The following LRRTM4 variants were observed in gnomAD, a reference collection of about 807,000 sequenced individuals.
The protein encoded by LRRTM4 is leucine-rich repeat transmembrane neuronal protein 4.
A neutral mutation model predicts 47.6 loss-of-function variants in LRRTM4; 25 were observed. The observed-to-expected ratio is 0.53, with a 90% confidence interval of 0.38 to 0.73. The LOEUF is 0.73. LRRTM4 is among the 30% of genes least tolerant of loss of function. The probability of loss-of-function intolerance (pLI) is 0.00; values close to 1 mark genes in which losing one functional copy is unlikely to be tolerated. For missense variants in LRRTM4, 638 were observed against 713.4 expected (o/e 0.89, Z 1.20); for synonymous variants, 311 against 269.5 (o/e 1.15, Z -1.51).
intron 3 of LRRTM4, among the ~76,000 whole-genome samples, chr2:76,779,342 T>C (rs1351850020): frequency 6.6e-6 from 1 of 150,944 alleles, no homozygotes. Flanking sequence ...CATTGATCTG[T>C]CTAATGTTGA....
chr2:77,156,256 A>C (rs1672556696), intron 3 of LRRTM4, among the ~76,000 whole-genome samples: 1 of 151,820 alleles, frequency 6.6e-6, no homozygotes, highest in African/African-American at 2.4e-5. Context: ...TAACAGAATA[A>C]AAGCTATAAG....
At chr2:76,775,704 G>C (rs1274717508) in intron 3 of LRRTM4, among the ~76,000 whole-genome samples, 1 of 151,994 alleles carries the variant, frequency 6.6e-6, no homozygotes, top group Non-Finnish European at 1.5e-5. Context: ...AGTGGAGTTA[G>C]CCTATCCCTT....
At chr2:77,246,891 CT>C (rs1156458071) in intron 3 of LRRTM4, among the ~76,000 whole-genome samples, 1 of 151,778 alleles carries the variant, frequency 6.6e-6, no homozygotes, top group Non-Finnish European at 1.5e-5. Context: ...ATTGTTTTAT[CT>C]TTTTTATCAA....
At chr2:76,786,382 TC>T (rs750830287) in intron 3 of LRRTM4, among the ~76,000 whole-genome samples, 2 of 152,078 alleles carry the variant, frequency 1.3e-5, no homozygotes, top group Non-Finnish European at 2.9e-5. Context: ...GGCAAATTGG[TC>T]CCCCAAGACT....
chr2:76,969,676 T>A (rs908209770), intron 3 of LRRTM4, among the ~76,000 whole-genome samples: 6 of 151,942 alleles, frequency 3.9e-5, no homozygotes, highest in Non-Finnish European at 8.8e-5. Context: ...GTAATTACAA[T>A]GATGGTGATT....
At chr2:77,055,631 G>T (rs1388878962) in intron 3 of LRRTM4, among the ~76,000 whole-genome samples, 5 of 152,124 alleles carry the variant, frequency 3.3e-5, no homozygotes. Context: ...AGTCAGTGTG[G>T]CGATTCCTCA....
intron 3 of LRRTM4, among the ~76,000 whole-genome samples, chr2:77,010,501 TACACACACACAC>T (rs34456976): frequency 0.02 from 2,748 of 139,906 alleles, 50 homozygotes; most frequent in African/African-American, 0.042. Context: ...TTGTATTGTT[TACACACACACAC>T]ACACACACAC....
At chr2:76,775,135 T>G (rs546302249) in intron 3 of LRRTM4, among the ~76,000 whole-genome samples, 4 of 152,210 alleles carry the variant, frequency 2.6e-5, no homozygotes, top group Non-Finnish European at 4.4e-5. Flanking sequence ...ATAAATCTTA[T>G]GAATTCATTC....
intron 3 of LRRTM4, among the ~76,000 whole-genome samples, chr2:77,375,297 C>G (rs1410519156): frequency 6.6e-6 from 1 of 151,714 alleles, no homozygotes; most frequent in Admixed American, 6.6e-5. Flanking sequence ...TACAAAAGAA[C>G]TATACATGTT....
chr2:77,117,830 T>A (rs1289381469), intron 3 of LRRTM4, among the ~76,000 whole-genome samples: 1 of 151,934 alleles, frequency 6.6e-6, no homozygotes. Flanking sequence ...CTGCTCTAGG[T>A]GCTGGAGCTT....
At chr2:77,161,573 A>G (rs560391215) in intron 3 of LRRTM4, among the ~76,000 whole-genome samples, 5 of 152,178 alleles carry the variant, frequency 3.3e-5, no homozygotes, top group Admixed American at 3.3e-4. Flanking sequence ...TTAATAATAA[A>G]TGTTCTAGGC....
chr2:77,219,314 AAG>A (rs1674551296), intron 3 of LRRTM4, among the ~76,000 whole-genome samples: 1 of 152,172 alleles, frequency 6.6e-6, no homozygotes, highest in African/African-American at 2.4e-5. Context: ...TTGCCTATAT[AAG>A]GGGTTTGTAC....
intron 3 of LRRTM4, among the ~76,000 whole-genome samples, chr2:77,108,414 T>C (rs975053084): frequency 6.6e-6 from 1 of 151,980 alleles, no homozygotes; most frequent in African/African-American, 2.4e-5. Context: ...AAAATATCAA[T>C]AATATGGACA....
In LRRTM4 at chr2:77,483,118, C is replaced by CAAAAAAAAAAAAAA. The variant is rs776265725; in HGVS notation, c.1551+35186_1551+35199dup. ...CCTAGGAGGCAGAGCAAGACTGTCT[C>CAAAAAAAAAAAAAA]AAAAAAAAAAAAAAAAAAAAAAAAA... On this transcript the variant is annotated intron_variant, in intron 3 of 3. Coordinates refer to ENST00000409884, the MANE Select transcript of LRRTM4 (RefSeq NM_001134745.3). Among the ~76,000 whole-genome samples, 19 of 60,594 alleles carry CAAAAAAAAAAAAAA rather than the reference C, an allele frequency of 3.1e-4. 1 individual carries two copies. The highest frequency in any genetic ancestry group is 2.8e-3 in the East Asian group (3 of 1,086). The allele number at this position is 60,594 out of a possible 152,430, so 39.8% of individuals were successfully genotyped here. A position where few individuals can be genotyped will look rare whatever the true frequency, so the allele number is the denominator to read the frequency against.
rs571441081 is a variant in LRRTM4, at chr2:77,023,032, C to T, written c.1552-274116G>A. On this transcript the variant is annotated intron_variant, in intron 3 of 3. Transcript: ENST00000409884. Reference sequence around the variant, plus strand: ...CTGCAGCAAACTTCTGCCTGGACATCCAGGCATTTCCATACATCTTCTGAA... The same window carrying T: ...CTGCAGCAAACTTCTGCCTGGACATTCAGGCATTTCCATACATCTTCTGAA... Among the ~76,000 whole-genome samples the T allele has an allele frequency of 5.2e-5, 8 of 152,384 alleles. No homozygotes were observed. The South Asian group carries it at 1.2e-3, about 24-fold the overall frequency.
chr2:77,514,485 T>G (rs2104112311), intron 3 of LRRTM4, among the ~76,000 whole-genome samples: 1 of 152,148 alleles, frequency 6.6e-6, no homozygotes, highest in Non-Finnish European at 1.5e-5. Flanking sequence ...TAACCTGAAC[T>G]GAAAACCAGT....
intron 3 of LRRTM4, among the ~76,000 whole-genome samples, chr2:76,826,555 A>G (rs937171471): frequency 2.0e-4 from 30 of 151,742 alleles, no homozygotes; most frequent in Non-Finnish European, 3.2e-4. Flanking sequence ...ATATATGCAA[A>G]GAGTGGATTT....
At chr2:76,765,509 G>C (rs537538987) in intron 3 of LRRTM4, among the ~76,000 whole-genome samples, 1 of 152,256 alleles carries the variant, frequency 6.6e-6, no homozygotes, top group African/African-American at 2.4e-5. Context: ...AAGGCTAAAT[G>C]AGGTCATAAA....
At chr2:77,420,978 T>C (rs113093533) in intron 3 of LRRTM4, among the ~76,000 whole-genome samples, 2,152 of 150,018 alleles carry the variant, frequency 0.014, 68 homozygotes, top group African/African-American at 0.05. Flanking sequence ...CAAGGCTCCT[T>C]GGAGAAATAG....
Sources: allele counts gnomAD v4.1 joint callset (sites outside exome capture counted in the v4.1 genomes callset), GRCh38; gene constraint gnomAD v4.1.1; transcripts MANE v1.5; gene names NCBI Gene and HGNC (gene_info 2026-07-23, HGNC 2026-07-21).